Variants in GRID1 observed in about 807,000 individuals in gnomAD.
GRID1 encodes glutamate ionotropic receptor delta type subunit 1, also known as glutamate receptor ionotropic, delta-1.
GRID1 carries 28 observed loss-of-function variants against 98.0 expected under a neutral mutation model. That is an observed-to-expected ratio of 0.29 (90% CI 0.21 to 0.39). The LOEUF (loss-of-function observed/expected upper bound fraction) is 0.39. Among genes scored for constraint, GRID1 ranks in the 10% least tolerant of loss-of-function variants. The probability of loss-of-function intolerance (pLI) is 1.00; values close to 1 mark genes in which losing one functional copy is unlikely to be tolerated. For synonymous variants in GRID1, 553 were observed against 538.5 expected (o/e 1.03, Z -0.37); for missense variants, 1,111 against 1,340.5 (o/e 0.83, Z 2.67).
intron 8 of GRID1, among the ~76,000 whole-genome samples, chr10:85,762,968 C>T (rs1842160808): frequency 6.6e-6 from 1 of 152,148 alleles, no homozygotes; most frequent in South Asian, 2.1e-4. Flanking sequence ...AGACTACAAA[C>T]CCCACACTAT....
intron 2 of GRID1, among the ~76,000 whole-genome samples, chr10:86,279,670 G>T (rs1466308375): frequency 6.6e-6 from 1 of 152,174 alleles, no homozygotes; most frequent in Non-Finnish European, 1.5e-5. Context: ...AGACTGAATA[G>T]GATGGTTTCC....
chr10:86,070,938 A>G (rs1024797080), intron 4 of GRID1, among the ~76,000 whole-genome samples: 1 of 152,158 alleles, frequency 6.6e-6, no homozygotes, highest in Non-Finnish European at 1.5e-5. Context: ...CTGAAAAGGC[A>G]TTCATCTGTG....
chr10:86,313,336 T>C (rs549826427), intron 2 of GRID1, among the ~76,000 whole-genome samples: 62 of 152,250 alleles, frequency 4.1e-4, no homozygotes, highest in Admixed American at 1.6e-3. Flanking sequence ...CCCTGAGATG[T>C]TGACAGATAA....
intron 2 of GRID1, among the ~76,000 whole-genome samples, chr10:86,312,882 C>A (rs1278389404): frequency 1.3e-5 from 2 of 152,198 alleles, no homozygotes; most frequent in African/African-American, 4.8e-5. Context: ...CAACAGGACA[C>A]CCAAGAGGCT....
At position 85,787,931 on chromosome 10, in the gene GRID1, C is replaced by T. The variant is rs141808724; in HGVS notation, c.1234-58317G>A. 7.2e-4 allele frequency among the ~76,000 whole-genome samples: 110 copies of T among 152,136 alleles called. 1 individual carries two copies. Among genetic ancestry groups the T allele is most frequent in the African/African-American group, 2.5e-3 (103 of 41,516 alleles). ...GGCTCACAGAATCCATTTCCAAATC[C>T]CTCCCCAGGGTCTGGCCCTGGTTCC... On this transcript the variant is annotated intron_variant, in intron 8 of 15. Coordinates refer to ENST00000327946, the MANE Select transcript of GRID1 (RefSeq NM_017551.3).
intron 4 of GRID1, among the ~76,000 whole-genome samples, chr10:86,067,129 C>T (rs1843730197): frequency 6.6e-6 from 1 of 152,180 alleles, no homozygotes; most frequent in Admixed American, 6.5e-5. Flanking sequence ...TTCAGATTTC[C>T]TAGCGTGAGA....
At chr10:86,234,908 G>A (rs905058419) in intron 2 of GRID1, among the ~76,000 whole-genome samples, 22 of 152,252 alleles carry the variant, frequency 1.4e-4, no homozygotes, top group Middle Eastern at 3.4e-3. Context: ...GCGCACTGAT[G>A]GTGGAACCAC....
chr10:86,127,303 G>A (rs548622181), intron 4 of GRID1, among the ~76,000 whole-genome samples: 3 of 152,286 alleles, frequency 2.0e-5, no homozygotes, highest in East Asian at 1.9e-4. Context: ...TCTTAGTGGC[G>A]TACTGGCCAC....
intron 8 of GRID1, among the ~76,000 whole-genome samples, chr10:85,795,682 G>C (rs746858928): frequency 6.6e-6 from 1 of 152,144 alleles, no homozygotes; most frequent in Non-Finnish European, 1.5e-5. Flanking sequence ...GACAGGCAAC[G>C]GCACGTCGAA....
chr10:86,076,428 G>C (rs1204968671), intron 4 of GRID1, among the ~76,000 whole-genome samples: 1 of 152,222 alleles, frequency 6.6e-6, no homozygotes, highest in Admixed American at 6.5e-5. Flanking sequence ...GCTGCTCTCA[G>C]CAACAGTCTG....
At chr10:86,314,900 A>G (rs2132090988) in intron 2 of GRID1, among the ~76,000 whole-genome samples, 1 of 152,220 alleles carries the variant, frequency 6.6e-6, no homozygotes, top group South Asian at 2.1e-4. Flanking sequence ...CAGAGCCACC[A>G]AGGCTTTGTG....
intron 4 of GRID1, among the ~76,000 whole-genome samples, chr10:86,117,078 A>C (rs948958985): frequency 3.3e-5 from 5 of 150,820 alleles, no homozygotes; most frequent in Non-Finnish European, 7.4e-5. Context: ...CACCAATAAC[A>C]ACACCTTTAC....
chr10:85,678,573 T>C (rs1841171306), intron 12 of GRID1, among the ~76,000 whole-genome samples: 1 of 152,100 alleles, frequency 6.6e-6, no homozygotes, highest in South Asian at 2.1e-4. Flanking sequence ...CTGCACCATA[T>C]CTCTTCTCTA....
chr10:85,932,255 C>A (rs193280207), intron 4 of GRID1, among the ~76,000 whole-genome samples: 125 of 152,314 alleles, frequency 8.2e-4, no homozygotes, highest in African/African-American at 2.8e-3. Context: ...CTCTATCACC[C>A]AGGCTGAGTG....
intron 8 of GRID1, among the ~76,000 whole-genome samples, chr10:85,732,933 T>C (rs1274047270): frequency 6.6e-6 from 1 of 152,164 alleles, no homozygotes; most frequent in African/African-American, 2.4e-5. Flanking sequence ...TCCTGATATT[T>C]GTATCTAGTT....
chr10:86,115,036 A>G (rs1370668296), intron 4 of GRID1, among the ~76,000 whole-genome samples: 1 of 152,176 alleles, frequency 6.6e-6, no homozygotes, highest in Non-Finnish European at 1.5e-5. Context: ...TTGGAGGGAA[A>G]GAGGAACAGA....
Position 85,865,928 on chromosome 10 carries a change from T to TATATAC in GRID1, c.951+3081_951+3082insGTATAT, listed in dbSNP as rs1554836188. ...ACATATATACATATATATATATATA[T>TATATAC]ATATATATATATATACACATATATA... On this transcript the variant is annotated intron_variant, in intron 6 of 15. Transcript: ENST00000327946. Among the ~76,000 whole-genome samples the TATATAC allele has an allele frequency of 1.7e-3, 195 of 114,174 alleles. 3 individuals carry two copies. The highest frequency in any genetic ancestry group is 6.2e-3 in the African/African-American group (181 of 29,024). 74.9% of individuals were successfully genotyped at this position (114,174 alleles called of 152,430 possible).
intron 2 of GRID1, among the ~76,000 whole-genome samples, chr10:86,283,759 C>A (rs1194004723): frequency 1.3e-5 from 2 of 149,114 alleles, no homozygotes; most frequent in Non-Finnish European, 3.0e-5. Flanking sequence ...ATACACACTG[C>A]CCTTGCACAC....
chr10:85,976,296 G>A (rs17106091), intron 4 of GRID1, among the ~76,000 whole-genome samples: 18,661 of 152,132 alleles, frequency 0.12, 1,292 homozygotes, highest in Admixed American at 0.22. Context: ...ACTTTGATCC[G>A]AGTTAATCAC....
Sources: allele counts gnomAD v4.1 joint callset (sites outside exome capture counted in the v4.1 genomes callset), GRCh38; gene constraint gnomAD v4.1.1; transcripts MANE v1.5; gene names NCBI Gene and HGNC (gene_info 2026-07-23, HGNC 2026-07-21).